Variants in PDE6A observed in about 807,000 individuals in gnomAD.
PDE6A encodes phosphodiesterase 6A, also known as rod cGMP-specific 3',5'-cyclic phosphodiesterase subunit alpha.
A neutral mutation model predicts 106.3 loss-of-function variants in PDE6A; 84 were observed. The observed-to-expected ratio is 0.79, with a 90% CI of 0.66 to 0.95. The LOEUF (loss-of-function observed/expected upper bound fraction) is 0.95. PDE6A is among the 40% of genes least tolerant of loss of function. The pLI is 0.00. For missense variants in PDE6A, 1,052 were observed against 1,084.9 expected, an observed-to-expected ratio of 0.97 and a Z score of 0.43; for synonymous variants, 394 against 386.6, an observed-to-expected ratio of 1.02 and a Z score of -0.23.
intron 19 of PDE6A, chr5:149,866,592 T>C (rs780724097): frequency 7.4e-5 from 20 of 271,262 alleles, no homozygotes; most frequent in Non-Finnish European, 1.3e-4. Flanking sequence ...GTATGCTCCT[T>C]GATTAGATCC....
intron 17 of PDE6A, among the ~76,000 whole-genome samples, chr5:149,876,910 AGAT>A (rs1760760620): frequency 6.7e-6 from 1 of 149,110 alleles, no homozygotes; most frequent in Non-Finnish European, 1.5e-5. Context: ...AGATGATGAG[AGAT>A]GATAGATAGA....
In PDE6A at chr5:149,906,519, C is replaced by CAAAAAAAAAAAAAAAAAAAAAAAAAAAAA. The variant is rs560905491; in HGVS notation, c.1065+792_1065+793insTTTTTTTTTTTTTTTTTTTTTTTTTTTTT. Among the ~76,000 whole-genome samples the CAAAAAAAAAAAAAAAAAAAAAAAAAAAAA allele has an allele frequency of 7.9e-4, 43 of 54,208 alleles. 5 individuals are homozygous for CAAAAAAAAAAAAAAAAAAAAAAAAAAAAA. Among genetic ancestry groups the CAAAAAAAAAAAAAAAAAAAAAAAAAAAAA allele is most frequent in the Non-Finnish European group, 1.2e-3 (29 of 24,964 alleles). 35.6% of individuals were successfully genotyped at this position (54,208 alleles called of 152,430 possible). ...CCAGCCTGGGCAACAGAGACACTGT[C>CAAAAAAAAAAAAAAAAAAAAAAAAAAAAA]AAAAAAAAAAAAAAAAAAATCCCAC... On this transcript the variant is annotated intron_variant, in intron 7 of 21. Transcript: ENST00000255266.
chr5:149,900,736 A>G (rs1014399925), intron 8 of PDE6A, among the ~76,000 whole-genome samples: 7 of 152,134 alleles, frequency 4.6e-5, no homozygotes, highest in Non-Finnish European at 7.3e-5. Flanking sequence ...AAAAGGATGC[A>G]GAATACTGCC....
rs10045293 is a variant in PDE6A, at chr5:149,861,008, A to T, written c.2507-37T>A. ...CAGGAAAAAGAACACACCAGGTGAC[A>T]AGAGGCTGCAGTGGGCTTCCCCTTT... On this transcript the variant is annotated intron_variant, in intron 21 of 21. Coordinates refer to ENST00000255266, the MANE Select transcript of PDE6A (RefSeq NM_000440.3). 0.06 allele frequency: 95,543 copies of T among 1,593,144 alleles called. 3,970 individuals are homozygous for T. Among genetic ancestry groups the T allele is most frequent in the African/African-American group, 0.22 (16,445 of 74,542 alleles).
At chr5:149,923,553 CATAACATAACATAACAT>C (rs1205328036) in intron 4 of PDE6A, among the ~76,000 whole-genome samples, 10 of 123,794 alleles carry the variant, frequency 8.1e-5, no homozygotes, top group African/African-American at 3.6e-4. Flanking sequence ...CATAACATAA[CATAACATAACATAACAT>C]AACATAACAA....
intron 6 of PDE6A, among the ~76,000 whole-genome samples, chr5:149,912,443 C>T (rs1383758456): frequency 6.6e-6 from 1 of 152,220 alleles, no homozygotes; most frequent in East Asian, 1.9e-4. Context: ...CAAGGTCAGA[C>T]TGCGTTTCCT....
intron 13 of PDE6A, among the ~76,000 whole-genome samples, chr5:149,887,958 C>A (rs962014963): frequency 6.7e-6 from 1 of 149,940 alleles, no homozygotes; most frequent in Non-Finnish European, 1.5e-5. Context: ...GCTCTTGAGC[C>A]GCCCTCTTTC....
intron 3 of PDE6A, among the ~76,000 whole-genome samples, chr5:149,933,342 C>T (rs1364622963): frequency 6.6e-6 from 1 of 152,084 alleles, no homozygotes; most frequent in South Asian, 2.1e-4. Flanking sequence ...CCAGGCTGGT[C>T]TCGAACTTCT....
At chr5:149,899,220 A>C (rs1752873019) in intron 9 of PDE6A, among the ~76,000 whole-genome samples, 155 bp downstream of exon 9, 1 of 152,236 alleles carries the variant, frequency 6.6e-6, no homozygotes, top group South Asian at 2.1e-4. Flanking sequence ...ACATCAGTGC[A>C]GTACAGCAGT....
At chr5:149,883,612 T>A (rs1761013144) in intron 16 of PDE6A, 76 bp from the exon 17 acceptor site, 2 of 964,286 alleles carry the variant, frequency 2.1e-6, no homozygotes, top group South Asian at 2.7e-5. Flanking sequence ...CATTGGCTGA[T>A]TCAGATGGAG....
intron 7 of PDE6A, among the ~76,000 whole-genome samples, chr5:149,906,395 G>T (rs985475480): frequency 1.7e-4 from 25 of 151,304 alleles, no homozygotes; most frequent in Non-Finnish European, 3.4e-4. Flanking sequence ...GTGTGGTGGT[G>T]CATGCCTGTA....
In PDE6A at chr5:149,902,866, G is replaced by T. The variant is rs569635887; in HGVS notation, c.1113+782C>A. ...AGAGAGAAATTACATTCAGCCAGAG[G>T]AATCATAATAAAACTTAACAGAAGT... On this transcript the variant is annotated intron_variant, in intron 8 of 21. Coordinates refer to ENST00000255266, the MANE Select transcript of PDE6A (RefSeq NM_000440.3). Among the ~76,000 whole-genome samples, 337 of 151,620 alleles carry T rather than the reference G, an allele frequency of 2.2e-3. 1 individual carries two copies. The highest frequency in any genetic ancestry group is 3.5e-3 in the Non-Finnish European group (235 of 67,888).
chr5:149,931,500 T>G (rs1991804), intron 3 of PDE6A, among the ~76,000 whole-genome samples: 29,292 of 152,144 alleles, frequency 0.19, 4,922 homozygotes, highest in African/African-American at 0.46. Flanking sequence ...AAGAATGCAC[T>G]TATTGCACAC....
chr5:149,863,126 G>A lies in PDE6A; in HGVS notation c.2499C>T (p.Ala833=). 6.2e-7 allele frequency: 1 copy of A among 1,614,202 alleles called. No homozygotes were observed. The highest frequency in any genetic ancestry group is 8.5e-7 in the Non-Finnish European group (1 of 1,180,040). Residue 833 remains alanine, a synonymous_variant, in exon 21 of 22, where the codon GCC becomes GCT. Coordinates refer to ENST00000255266, the MANE Select transcript of PDE6A (RefSeq NM_000440.3). The surrounding 1 kb of genome is among the most constrained non-coding windows in gnomAD (Gnocchi z 4.7). ...QEEKKQKQQS[A]KSAAAGNQPG... is the part of the protein sequence containing the mutation. ...CTTCCCCCTTCCACAAACCTGACTT[G>A]GCCGACTGCTGTTTCTGCTTCTTCT...
rs1322636309 is a variant in PDE6A, at chr5:149,896,732, T to C, written c.1452A>G (p.Glu484=). ...VYGKEPWECE[E]EELAEILQAE... is the part of the protein sequence containing the mutation. ...TCACCAGGATCTCAGCCAGCTCCTCTTCCTCACACTCCCATGGCTCCTTCC... is the reference window on the plus strand; with the variant it reads ...TCACCAGGATCTCAGCCAGCTCCTCCTCCTCACACTCCCATGGCTCCTTCC... The change falls in exon 11 of 22, where the codon GAA becomes GAG. Residue 484 remains glutamate (E), a synonymous_variant. Transcript: ENST00000255266. 1.2e-6 allele frequency: 2 copies of C among 1,614,184 alleles called. No individual in the cohort carries two copies. The highest frequency in any genetic ancestry group is 3.3e-5 in the Admixed American group (2 of 60,016).
chr5:149,941,027 G>A (rs1454721775), intron 1 of PDE6A, among the ~76,000 whole-genome samples: 1 of 152,198 alleles, frequency 6.6e-6, no homozygotes, highest in Non-Finnish European at 1.5e-5. Context: ...GGAAATGCCG[G>A]AACACAGCTC....
chr5:149,914,016 A>G (rs1009021585), intron 6 of PDE6A, among the ~76,000 whole-genome samples: 4 of 152,198 alleles, frequency 2.6e-5, no homozygotes. Flanking sequence ...GTTCCTTTGC[A>G]GCTTCCTGCT....
chr5:149,874,351 A>G (rs10223176), intron 17 of PDE6A, among the ~76,000 whole-genome samples: 17,188 of 152,170 alleles, frequency 0.11, 1,833 homozygotes, highest in African/African-American at 0.28. Flanking sequence ...GTTCGGGTTC[A>G]GTAATTTGCT....
chr5:149,929,434 G>A (rs889173654), intron 4 of PDE6A, among the ~76,000 whole-genome samples: 3 of 151,920 alleles, frequency 2.0e-5, no homozygotes, highest in Admixed American at 6.6e-5. Flanking sequence ...GTGAAACCCC[G>A]TCTCTACTAA....
Sources: gnomAD v4.1 joint callset for allele counts (sites outside exome capture counted in the v4.1 genomes callset) on GRCh38, gnomAD v4.1.1 for gene constraint, Gnocchi (gnomAD v3.1) non-coding constraint, MANE v1.5 for transcripts, NCBI Gene and HGNC (gene_info 2026-07-23, HGNC 2026-07-21) for gene names.